The following TGM2 variants were observed in gnomAD, a reference collection of about 807,000 sequenced individuals.
TGM2 encodes the protein transglutaminase 2, also known as protein-glutamine gamma-glutamyltransferase 2.
TGM2 carries 53 observed loss-of-function variants against 75.6 expected under a neutral mutation model. The ratio of observed to expected loss-of-function variants is 0.70; its 90% CI spans 0.56 to 0.88. TGM2 has a LOEUF of 0.88. Among genes scored for constraint, TGM2 ranks in the 40% least tolerant of loss-of-function variants. The probability of loss-of-function intolerance (pLI) is 0.00; values close to 1 mark genes in which losing one functional copy is unlikely to be tolerated. For synonymous variants in TGM2, 374 were observed against 381.1 expected (o/e 0.98, Z 0.22); for missense variants, 842 against 928.5 (o/e 0.91, Z 1.21).
upstream of TGM2, chr20:38,165,497 A>C: frequency 1.9e-6 from 1 of 520,200 alleles, no homozygotes; most frequent in Non-Finnish European, 3.4e-6. Flanking sequence ...CAGGATACAG[A>C]CACACCTGGA....
At chr20:38,135,402 T>TACACACACACACAC (rs1323023847) in intron 10 of TGM2, among the ~76,000 whole-genome samples, 1 of 83,826 alleles carries the variant, frequency 1.2e-5, no homozygotes, top group South Asian at 4.4e-4. Context: ...CTCCTAAATG[T>TACACACACACACAC]ATACACACAC....
At chr20:38,167,602 G>C (rs1292390646), upstream of TGM2, among the ~76,000 whole-genome samples, 1 of 152,284 alleles carries the variant, frequency 6.6e-6, no homozygotes, top group South Asian at 2.1e-4. Flanking sequence ...ACCTCCCAAA[G>C]TGCTGGGATT....
At position 38,151,019 on chromosome 20, in the gene TGM2, C is replaced by A. The variant is rs761280471; in HGVS notation, c.472G>T (p.Glu158Ter). Reference sequence around the variant, plus strand: ...AAGCCCTGCTGGGTGAGGACATACTCCTGCCGCTCCTCTTCCGAGTCCAGG... The same window carrying A: ...AAGCCCTGCTGGGTGAGGACATACTACTGCCGCTCCTCTTCCGAGTCCAGG... ...VYLDSEEERQ[E>*]YVLTQQGFIY... The change falls in exon 4 of 13, where the codon GAG becomes TAG. Residue 158 changes from glutamate (E) to a stop codon, truncating the protein, a stop_gained. Transcript: ENST00000361475. LOFTEE classifies it high-confidence loss of function. 5 of 1,614,172 alleles carry A rather than the reference C, an allele frequency of 3.1e-6. No homozygotes were observed. The highest frequency in any genetic ancestry group is 4.2e-6 in the Non-Finnish European group (5 of 1,180,032).
chr20:38,146,429 C>A, intron 6 of TGM2: 1 of 516,560 alleles, frequency 1.9e-6, no homozygotes, highest in Non-Finnish European at 3.5e-6. Context: ...GGGTTTTTAA[C>A]TCAAGTTAAA....
In TGM2 at chr20:38,134,896, G is replaced by A. The variant is rs142314655; in HGVS notation, c.1616-2396C>T. On this transcript the variant is annotated intron_variant, in intron 10 of 12. Transcript: ENST00000361475. The stretch of plus-strand genomic sequence containing the variant: ...CACAGTATGGGGGCTTAGAGGGAAC[G>A]CATCTCAGCTTGAGCTTGGCATTGG... Among the ~76,000 whole-genome samples, 70 of 152,324 alleles carry A rather than the reference G, an allele frequency of 4.6e-4. No homozygotes were observed. In the East Asian group the frequency reaches 0.012, roughly 26 times the overall value.
At chr20:38,143,852 G>A (rs1459984955) in intron 6 of TGM2, among the ~76,000 whole-genome samples, 2 of 152,148 alleles carry the variant, frequency 1.3e-5, no homozygotes, top group African/African-American at 4.8e-5. Context: ...CTTTGCCCTG[G>A]GGCCACCATC....
chr20:38,131,254 T>C, intron 11 of TGM2, 25 bp from the exon 12 acceptor site: 1 of 1,613,084 alleles, frequency 6.2e-7, no homozygotes, highest in Non-Finnish European at 8.5e-7. Context: ...GGGGCAGATG[T>C]CAAGGGCAGG....
At chr20:38,159,579 G>A (rs1433572450) in intron 2 of TGM2, among the ~76,000 whole-genome samples, 1 of 152,200 alleles carries the variant, frequency 6.6e-6, no homozygotes, top group Admixed American at 6.5e-5. Flanking sequence ...ATCACAGGCT[G>A]CCCAAGCCAG....
rs1568678552 is a variant in TGM2, at chr20:38,129,218, A to G, written c.*1001T>C. 6.6e-6 allele frequency: 1 copy of G among 152,108 alleles called. No individual in the cohort carries two copies. 9.4% of individuals were successfully genotyped at this position (152,108 alleles called of 1,614,324 possible). ...TCCTTGGAGATGAGCTGGTTCAATC[A>G]CTCCTCTGACCAACAAGGAAACAAA... is the stretch of plus-strand genomic sequence containing the variant. On this transcript the variant is annotated 3_prime_UTR_variant, in exon 13 of 13. Coordinates refer to ENST00000361475, the MANE Select transcript of TGM2 (RefSeq NM_004613.4).
upstream of TGM2, among the ~76,000 whole-genome samples, chr20:38,165,950 A>G (rs1469181234): frequency 6.9e-6 from 1 of 143,898 alleles, no homozygotes. Context: ...CTGTGGACAC[A>G]GATGAGCAGG....
chr20:38,135,063 G>A (rs1330550635), intron 10 of TGM2, among the ~76,000 whole-genome samples: 2 of 152,230 alleles, frequency 1.3e-5, no homozygotes, highest in Non-Finnish European at 2.9e-5. Context: ...CACCCTCTGT[G>A]GTGAGCATGT....
At position 38,147,984 on chromosome 20, in the gene TGM2, C is replaced by T. The variant is rs373772486; in HGVS notation, c.658G>A (p.Val220Met). Residue 220 changes from valine to methionine, a missense_variant, in exon 5 of 13, where the codon GTG becomes ATG. Physicochemically the swap from Val to Met is conservative, Grantham distance 21. Transcript: ENST00000361475. ...ACCATGCCACTCACCACCCGGCCCA[C>T]GTAGACGGGGCTGCTGCGGCGGGAG... is the stretch of plus-strand genomic sequence containing the variant. ...DCSRRSSPVY[V>M]GRVVSGMVNC... The T allele has an allele frequency of 3.7e-6, 6 of 1,612,654 alleles. No individual in the cohort carries two copies. Among genetic ancestry groups the T allele is most frequent in the Middle Eastern group, 3.6e-4 (2 of 5,482 alleles).
upstream of TGM2, among the ~76,000 whole-genome samples, chr20:38,166,766 G>C (rs1022407359): frequency 3.3e-5 from 5 of 152,314 alleles, no homozygotes; most frequent in African/African-American, 1.2e-4. Flanking sequence ...AACGGGCTCT[G>C]GCTGGAGTCT....
chr20:38,151,051 G>A lies in TGM2; in HGVS notation c.440C>T (p.Ala147Val), dbSNP rs138064359. 1.1e-5 allele frequency: 17 copies of A among 1,613,184 alleles called. No individual in the cohort carries two copies. The African/African-American group carries it at 1.3e-4, about 13-fold the overall frequency. Residue 147 changes from alanine to valine, a missense_variant, in exon 4 of 13, where the codon GCT (alanine) becomes GTT (valine). By Grantham distance (64) the Ala-to-Val change is moderately conservative. Coordinates refer to ENST00000361475, the MANE Select transcript of TGM2 (RefSeq NM_004613.4). ...CTCCTCTTCCGAGTCCAGGTACACA[G>A]CATCCGCTGCAGGCAGGAAGAAAGG... ...LLFNAWCPADAVYLDSEEERQ... is the reference protein window; with the variant it reads ...LLFNAWCPADVVYLDSEEERQ...
At chr20:38,136,141 G>A (rs746733040) in intron 10 of TGM2, among the ~76,000 whole-genome samples, 2 of 152,142 alleles carry the variant, frequency 1.3e-5, no homozygotes, top group Non-Finnish European at 2.9e-5. Flanking sequence ...AGTCTGCCCC[G>A]GGCCGGACAG....
chr20:38,142,052 C>A lies in TGM2; in HGVS notation c.995+12G>T. 6.2e-7 allele frequency: 1 copy of A among 1,614,074 alleles called. No homozygotes were observed. Among genetic ancestry groups the A allele is most frequent in the Non-Finnish European group, 8.5e-7 (1 of 1,179,982 alleles). On this transcript the variant is annotated intron_variant, in intron 7 of 12. Transcript: ENST00000361475. ...CTACTGGGCTCCGATCCCACCCTGG[C>A]CCCCACCTCACCAGATCATCTCGCT...
At chr20:38,162,489 G>A (rs905920619) in intron 1 of TGM2, among the ~76,000 whole-genome samples, 21 of 152,012 alleles carry the variant, frequency 1.4e-4, no homozygotes, top group African/African-American at 3.1e-4. Flanking sequence ...CAAAGGGTCC[G>A]GTTTCTTTAA....
intron 4 of TGM2, among the ~76,000 whole-genome samples, chr20:38,148,469 C>T (rs1266931572): frequency 6.6e-6 from 1 of 152,178 alleles, no homozygotes; most frequent in Admixed American, 6.5e-5. Flanking sequence ...TCTCCCACTT[C>T]CCCAAGGCGT....
At chr20:38,148,912 C>G (rs1280937441) in intron 4 of TGM2, among the ~76,000 whole-genome samples, 1 of 152,198 alleles carries the variant, frequency 6.6e-6, no homozygotes, top group East Asian at 1.9e-4. Flanking sequence ...GCTCTTTTCC[C>G]CCCACTTCTG....
Sources: gnomAD v4.1 joint callset for allele counts (sites outside exome capture counted in the v4.1 genomes callset) on GRCh38, gnomAD v4.1.1 for gene constraint, MANE v1.5 for transcripts, NCBI Gene and HGNC (gene_info 2026-07-23, HGNC 2026-07-21) for gene names.